Variants in PGBD5 observed in about 807,000 individuals in gnomAD.
PGBD5 encodes piggyBac transposable element derived 5.
A neutral mutation model predicts 47.9 loss-of-function variants in PGBD5; 14 were observed. That is an observed-to-expected ratio of 0.29 (90% CI 0.19 to 0.46). PGBD5 has a LOEUF of 0.46. Ranked by LOEUF, PGBD5 falls within the 20% of genes least tolerant of loss-of-function variation. The probability of loss-of-function intolerance (pLI) is 1.00; values close to 1 mark genes in which losing one functional copy is unlikely to be tolerated. For synonymous variants in PGBD5, 316 were observed against 306.3 expected (o/e 1.03, Z -0.33); for missense variants, 635 against 716.0 (o/e 0.89, Z 1.29).
chr1:230,328,267 T>C (rs1031090088), intron 5 of PGBD5, among the ~76,000 whole-genome samples: 3 of 152,220 alleles, frequency 2.0e-5, no homozygotes, highest in Non-Finnish European at 2.9e-5. Flanking sequence ...TTCATTTCTT[T>C]CCCATTCTTT....
chr1:230,365,939 G>A (rs1667824294), intron 1 of PGBD5, among the ~76,000 whole-genome samples: 1 of 152,248 alleles, frequency 6.6e-6, no homozygotes, highest in South Asian at 2.1e-4. Flanking sequence ...AATGTAAACA[G>A]CAAGATAACA....
chr1:230,354,031 C>G (rs1263205145), intron 2 of PGBD5, among the ~76,000 whole-genome samples: 2 of 152,218 alleles, frequency 1.3e-5, no homozygotes, highest in Non-Finnish European at 2.9e-5. Context: ...CAGGCCCACC[C>G]CAACTGGAAA....
chr1:230,343,536 C>G (rs1197286073), intron 3 of PGBD5, among the ~76,000 whole-genome samples: 2 of 152,214 alleles, frequency 1.3e-5, no homozygotes, highest in African/African-American at 4.8e-5. Flanking sequence ...AAGAGGTCCA[C>G]GGTTATGTCT....
chr1:230,349,097 G>A (rs143936088), intron 3 of PGBD5, among the ~76,000 whole-genome samples: 23 of 152,346 alleles, frequency 1.5e-4, no homozygotes, highest in African/African-American at 5.1e-4. Flanking sequence ...ATTTGGGAAC[G>A]AATCTGAACT....
At chr1:230,355,913 T>A (rs1380391045) in intron 2 of PGBD5, among the ~76,000 whole-genome samples, 1 of 152,022 alleles carries the variant, frequency 6.6e-6, no homozygotes, top group Non-Finnish European at 1.5e-5. Flanking sequence ...GGCACTGCCT[T>A]CCCCACAAAA....
At chr1:230,422,399 T>G (rs911183758) in intron 1 of PGBD5, among the ~76,000 whole-genome samples, 2 of 152,012 alleles carry the variant, frequency 1.3e-5, no homozygotes, top group African/African-American at 4.8e-5. Flanking sequence ...TGTTGGTTAT[T>G]TGCACAGTGG....
At chr1:230,419,210 T>TGTAGGG (rs1558216864) in intron 1 of PGBD5, among the ~76,000 whole-genome samples, 1 of 118,408 alleles carries the variant, frequency 8.4e-6, no homozygotes, top group Non-Finnish European at 1.7e-5. Flanking sequence ...ACATACACCA[T>TGTAGGG]GGAACACCAC....
In PGBD5 at chr1:230,382,851, A is replaced by G. The variant is rs1054661826; in HGVS notation, c.332-25530T>C. Among the ~76,000 whole-genome samples the G allele has an allele frequency of 2.0e-5, 3 of 152,234 alleles. No individual in the cohort carries two copies. In the East Asian group the frequency reaches 5.8e-4, roughly 29 times the overall value. ...AGAATGGGGGCATGGGTCCTAGGAAAAGAGGTTATGGGATGGGGGAGAAGA... is the reference window on the plus strand; with the variant it reads ...AGAATGGGGGCATGGGTCCTAGGAAGAGAGGTTATGGGATGGGGGAGAAGA... On this transcript the variant is annotated intron_variant, in intron 1 of 6. Coordinates refer to ENST00000391860, the MANE Select transcript of PGBD5 (RefSeq NM_001258311.2).
chr1:230,350,327 G>A (rs1667541675), intron 3 of PGBD5, among the ~76,000 whole-genome samples: 1 of 152,162 alleles, frequency 6.6e-6, no homozygotes, highest in Non-Finnish European at 1.5e-5. Context: ...AACCTCAGAT[G>A]CTTTTCCTGG....
chr1:230,419,249 C>G (rs1300686626), intron 1 of PGBD5, among the ~76,000 whole-genome samples: 1 of 152,236 alleles, frequency 6.6e-6, no homozygotes, highest in Non-Finnish European at 1.5e-5. Context: ...GAAATCACGT[C>G]CTCTGCAGTG....
chr1:230,354,167 G>A (rs1290746615), intron 2 of PGBD5, among the ~76,000 whole-genome samples: 1 of 152,164 alleles, frequency 6.6e-6, no homozygotes, highest in Non-Finnish European at 1.5e-5. Flanking sequence ...CGTACTCTGT[G>A]GTTATGACTT....
chr1:230,399,699 A>T (rs746729311), intron 1 of PGBD5, among the ~76,000 whole-genome samples: 1 of 151,844 alleles, frequency 6.6e-6, no homozygotes, highest in Admixed American at 6.6e-5. Flanking sequence ...TGGCTGAAGG[A>T]CCCCCGCAGA....
chr1:230,360,873 T>A (rs1363538081), intron 1 of PGBD5, among the ~76,000 whole-genome samples: 1 of 152,172 alleles, frequency 6.6e-6, no homozygotes, highest in Non-Finnish European at 1.5e-5. Flanking sequence ...CTCGGATCCG[T>A]TTATGAGAGC....
At chr1:230,383,737 G>A (rs1656568723) in intron 1 of PGBD5, among the ~76,000 whole-genome samples, 1 of 152,218 alleles carries the variant, frequency 6.6e-6, no homozygotes, top group Admixed American at 6.5e-5. Flanking sequence ...AGCAGAGACA[G>A]CACTGGGAGC....
chr1:230,379,896 C>A (rs1668066214), intron 1 of PGBD5, among the ~76,000 whole-genome samples: 1 of 152,234 alleles, frequency 6.6e-6, no homozygotes, highest in Non-Finnish European at 1.5e-5. Flanking sequence ...AAACTGAAGC[C>A]AGAGATTCAG....
chr1:230,406,292 A>G lies in PGBD5; in HGVS notation c.331+19306T>C, dbSNP rs1012647763. 3.4e-5 allele frequency among the ~76,000 whole-genome samples: 5 copies of G among 149,196 alleles called. No homozygotes were observed. The Middle Eastern group carries it at 0.01, about 307-fold the overall frequency. On this transcript the variant is annotated intron_variant, in intron 1 of 6. Transcript: ENST00000391860. ...CACTGCACTCCATCCAGCCTGGGCA[A>G]CAGAGTGAGACTCCGTCTCAAAAAA...
In PGBD5 at chr1:230,369,022, A is replaced by G. The variant is rs16851598; in HGVS notation, c.332-11701T>C. Among the ~76,000 whole-genome samples, 665 of 152,316 alleles carry G rather than the reference A, an allele frequency of 4.4e-3. 4 individuals are homozygous for G. Among genetic ancestry groups the G allele is most frequent in the African/African-American group, 0.015 (606 of 41,570 alleles). On this transcript the variant is annotated intron_variant, in intron 1 of 6. Transcript: ENST00000391860. Reference sequence around the variant, plus strand: ...TGGGAGCCCAAAGAAGCAAATGAACAAAAAGGAAGTGGCACAAGCCCTGTC... The same window carrying G: ...TGGGAGCCCAAAGAAGCAAATGAACGAAAAGGAAGTGGCACAAGCCCTGTC...
chr1:230,406,566 T>A (rs1657301204), intron 1 of PGBD5, among the ~76,000 whole-genome samples: 1 of 152,116 alleles, frequency 6.6e-6, no homozygotes, highest in Non-Finnish European at 1.5e-5. Context: ...GTTATAAAAT[T>A]TAAGTAATAA....
intron 1 of PGBD5, among the ~76,000 whole-genome samples, chr1:230,411,367 C>T (rs190996173): frequency 7.9e-5 from 12 of 152,240 alleles, no homozygotes; most frequent in Admixed American, 1.3e-4. Context: ...AAAAAGCAAA[C>T]GCAGTAGAAA....
Sources: allele counts gnomAD v4.1 joint callset (sites outside exome capture counted in the v4.1 genomes callset), GRCh38; gene constraint gnomAD v4.1.1; transcripts MANE v1.5; gene names NCBI Gene and HGNC (gene_info 2026-07-23, HGNC 2026-07-21).